The following MTHFD1L variants were observed in gnomAD, a reference collection of about 807,000 sequenced individuals.
MTHFD1L encodes monofunctional C1-tetrahydrofolate synthase, mitochondrial.
Under a neutral mutation model 119.5 loss-of-function variants are expected in MTHFD1L, and 81 were observed. The observed-to-expected ratio is 0.68, with a 90% CI of 0.57 to 0.82. MTHFD1L has a LOEUF of 0.82. Among genes scored for constraint, MTHFD1L ranks in the 40% least tolerant of loss-of-function variants. The pLI is 0.00. For synonymous variants in MTHFD1L, 430 were observed against 475.2 expected (o/e 0.90, Z 1.24); for missense variants, 1,125 against 1,253.4 (o/e 0.90, Z 1.55).
Position 150,904,289 on chromosome 6 carries a change from C to T in MTHFD1L, c.781-1361C>T, listed in dbSNP as rs141860712. 1.8e-3 allele frequency among the ~76,000 whole-genome samples: 267 copies of T among 152,248 alleles called. 1 individual carries two copies. The highest frequency in any genetic ancestry group is 0.016 in the East Asian group (82 of 5,182). Reference sequence around the variant, plus strand: ...TGCTTTTGTGTGTTGTAATCTGCCCCTCTGTCTGTTTGACCCCAGAGACTC... The same window carrying T: ...TGCTTTTGTGTGTTGTAATCTGCCCTTCTGTCTGTTTGACCCCAGAGACTC... On this transcript the variant is annotated intron_variant, in intron 7 of 27. Coordinates refer to ENST00000367321, the MANE Select transcript of MTHFD1L (RefSeq NM_015440.5).
intron 20 of MTHFD1L, among the ~76,000 whole-genome samples, chr6:151,001,422 A>G (rs1780605413): frequency 6.6e-6 from 1 of 152,274 alleles, no homozygotes; most frequent in Non-Finnish European, 1.5e-5. Context: ...TCAAAGTCCA[A>G]GGAGGGTTTT....
At chr6:151,070,271 G>A (rs951568792) in intron 26 of MTHFD1L, among the ~76,000 whole-genome samples, 2 of 152,162 alleles carry the variant, frequency 1.3e-5, no homozygotes, top group Non-Finnish European at 2.9e-5. Flanking sequence ...CAACCTGAGA[G>A]TTACTCTCCC....
intron 24 of MTHFD1L, among the ~76,000 whole-genome samples, chr6:151,019,270 A>G (rs1783600602): frequency 9.4e-6 from 1 of 106,268 alleles, no homozygotes; most frequent in Non-Finnish European, 2.3e-5. Flanking sequence ...GAACCACCCC[A>G]CTCTGCATAG....
chr6:151,080,173 G>A (rs1307799346), intron 26 of MTHFD1L, among the ~76,000 whole-genome samples: 4 of 151,896 alleles, frequency 2.6e-5, no homozygotes, highest in Admixed American at 6.6e-5. Flanking sequence ...GTGAGACTCT[G>A]GCCCAAAAAA....
intron 27 of MTHFD1L, among the ~76,000 whole-genome samples, chr6:151,095,055 G>A (rs1794784402): frequency 6.6e-6 from 1 of 152,236 alleles, no homozygotes; most frequent in African/African-American, 2.4e-5. Context: ...GTTTTGAGTT[G>A]TGGATGTTGT....
rs759742241 is a variant in MTHFD1L at position 151,039,617 on chromosome 6, G to C, written c.2847+2500G>C. 6.6e-6 allele frequency among the ~76,000 whole-genome samples: 1 copy of C among 152,070 alleles called. No individual in the cohort carries two copies. The highest frequency in any genetic ancestry group is 1.5e-5 in the Non-Finnish European group (1 of 68,016). ...GTGCTGAAGAGCTTGCTTTATATTC[G>C]TTAGAATGGCCTCAGTCAGCCGGGT... is the stretch of plus-strand genomic sequence containing the variant. On this transcript the variant is annotated intron_variant, in intron 26 of 27. Coordinates refer to ENST00000367321, the MANE Select transcript of MTHFD1L (RefSeq NM_015440.5). This position sits in a 1 kb window ranked among gnomAD's most constrained non-coding sequence, Gnocchi z 4.4.
chr6:150,870,208 A>T (rs1779164651), intron 1 of MTHFD1L, among the ~76,000 whole-genome samples: 1 of 152,220 alleles, frequency 6.6e-6, no homozygotes, highest in Non-Finnish European at 1.5e-5. Context: ...CCTCAACCAA[A>T]GTGGAAGCTC....
intron 15 of MTHFD1L, 39 bp from the exon 16 acceptor site, chr6:150,948,992 C>A: frequency 6.5e-7 from 1 of 1,533,724 alleles, no homozygotes; most frequent in South Asian, 1.1e-5. Context: ...CTTTCTGTTT[C>A]TTCTCAAACT....
intron 26 of MTHFD1L, among the ~76,000 whole-genome samples, chr6:151,053,507 A>G (rs1482803386): frequency 6.6e-6 from 1 of 152,208 alleles, no homozygotes; most frequent in Non-Finnish European, 1.5e-5. Context: ...AAGTAAATAC[A>G]TACTGAATTT....
At chr6:150,980,077 G>A (rs904815050) in intron 20 of MTHFD1L, among the ~76,000 whole-genome samples, 5 of 152,020 alleles carry the variant, frequency 3.3e-5, no homozygotes, top group Non-Finnish European at 7.3e-5. Flanking sequence ...ACTGATCTCA[G>A]CCTGGGCTCC....
Position 151,014,843 on chromosome 6 carries a change from C to G in MTHFD1L, c.2308-37C>G, listed in dbSNP as rs774366261. The G allele has an allele frequency of 3.2e-6, 5 of 1,566,342 alleles. No individual in the cohort carries two copies. In the African/African-American group the frequency reaches 6.8e-5, roughly 21 times the overall value. On this transcript the variant is annotated intron_variant, in intron 22 of 27. Transcript: ENST00000367321. ...TTGGCAGGTTTGGTGGGAGACAATA[C>G]ACAGGGGTCTGGGTTTTGCTTTTTT...
intron 26 of MTHFD1L, among the ~76,000 whole-genome samples, chr6:151,076,693 G>A (rs1792561852): frequency 6.6e-6 from 1 of 151,116 alleles, no homozygotes; most frequent in Non-Finnish European, 1.5e-5. Flanking sequence ...ATGTTGGCAA[G>A]GATGTGGAAC....
At chr6:150,938,306 C>A (rs1194057155) in intron 12 of MTHFD1L, among the ~76,000 whole-genome samples, 1 of 152,228 alleles carries the variant, frequency 6.6e-6, no homozygotes, top group Non-Finnish European at 1.5e-5. Flanking sequence ...GCATGAGCCA[C>A]CTCGCCCAGC....
chr6:150,944,272 C>T (rs543357043), intron 13 of MTHFD1L, among the ~76,000 whole-genome samples: 1 of 152,184 alleles, frequency 6.6e-6, no homozygotes, highest in South Asian at 2.1e-4. Context: ...ATAGCAAGAC[C>T]CCCATCTCCA....
intron 1 of MTHFD1L, 86 bp downstream of exon 1, chr6:150,866,135 G>T: frequency 7.1e-7 from 1 of 1,417,178 alleles, no homozygotes; most frequent in Middle Eastern, 2.5e-4. Context: ...GCCGTGGGGA[G>T]CGGGGCGCGG....
chr6:150,999,050 A>G (rs989776573), intron 20 of MTHFD1L, among the ~76,000 whole-genome samples: 1 of 151,258 alleles, frequency 6.6e-6, no homozygotes, highest in African/African-American at 2.4e-5. Context: ...AGTATATGAA[A>G]TATAAATGAA....
intron 8 of MTHFD1L, among the ~76,000 whole-genome samples, chr6:150,906,128 T>C (rs996454486): frequency 2.6e-5 from 4 of 152,218 alleles, no homozygotes; most frequent in African/African-American, 9.6e-5. Flanking sequence ...GGAATCTCAC[T>C]ATGTAAAAGC....
At chr6:151,042,423 G>A (rs1787277017) in intron 26 of MTHFD1L, among the ~76,000 whole-genome samples, 1 of 152,186 alleles carries the variant, frequency 6.6e-6, no homozygotes, top group African/African-American at 2.4e-5. Flanking sequence ...AAACAAGCAA[G>A]TTGTTTTTTA....
intron 18 of MTHFD1L, 113 bp from the exon 19 acceptor site, chr6:150,964,856 G>T: frequency 1.2e-6 from 1 of 863,250 alleles, no homozygotes. Flanking sequence ...TGTGGCCCAG[G>T]GTTGCCTGTG....
Sources: gnomAD v4.1 joint callset for allele counts (sites outside exome capture counted in the v4.1 genomes callset) on GRCh38, gnomAD v4.1.1 for gene constraint, Gnocchi (gnomAD v3.1) non-coding constraint, MANE v1.5 for transcripts, NCBI Gene and HGNC (gene_info 2026-07-23, HGNC 2026-07-21) for gene names.